The following MYO1E variants were observed in gnomAD, a reference collection of about 807,000 sequenced individuals.
The protein encoded by MYO1E is unconventional myosin-Ie.
MYO1E carries 68 observed loss-of-function variants against 151.1 expected under a neutral mutation model. The observed-to-expected ratio is 0.45, with a 90% CI of 0.37 to 0.55. The LOEUF (loss-of-function observed/expected upper bound fraction) is 0.55, where lower values mean the gene tolerates loss of function less well. Ranked by LOEUF, MYO1E falls within the 20% of genes least tolerant of loss-of-function variation. The probability of loss-of-function intolerance (pLI) is 0.00; values close to 1 mark genes in which losing one functional copy is unlikely to be tolerated. For synonymous variants in MYO1E, 601 were observed against 501.7 expected, an observed-to-expected ratio of 1.20 and a Z score of -2.64; for missense variants, 1,363 against 1,389.3, an observed-to-expected ratio of 0.98 and a Z score of 0.30.
intron 1 of MYO1E, among the ~76,000 whole-genome samples, chr15:59,368,938 T>C (rs550931722): frequency 1.8e-4 from 28 of 152,334 alleles, no homozygotes; most frequent in African/African-American, 6.7e-4. Context: ...CCACTCACAC[T>C]TGTCCCTAGA....
chr15:59,144,390 C>T (rs1332979390), intron 26 of MYO1E, among the ~76,000 whole-genome samples: 1 of 152,110 alleles, frequency 6.6e-6, no homozygotes, highest in Non-Finnish European at 1.5e-5. Context: ...TGGTGTTGAA[C>T]TCCTGACCTC....
At chr15:59,178,625 G>C in intron 18 of MYO1E, 88 bp from the exon 19 acceptor site, 1 of 1,520,550 alleles carries the variant, frequency 6.6e-7, no homozygotes, top group Non-Finnish European at 8.9e-7. Flanking sequence ...GCTCTGCTCT[G>C]AAGGTGCCCA....
At chr15:59,188,084 G>T (rs1313228306) in intron 18 of MYO1E, 34 bp downstream of exon 18, 2 of 1,490,946 alleles carry the variant, frequency 1.3e-6, no homozygotes, top group Admixed American at 1.7e-5. Flanking sequence ...CAATAAACCT[G>T]TTTTAAAAAA....
At position 59,202,424 on chromosome 15, in the gene MYO1E, A is replaced by G. The variant is rs747344111; in HGVS notation, c.1617-17T>C. On this transcript the variant is annotated splice_polypyrimidine_tract_variant and intron_variant, in intron 15 of 27. Transcript: ENST00000288235. ...ATGAAAGGCCTGGAAAAGGAGAAAG[A>G]GAATGAATTAACAATCTGTAAGTAC... The G allele has an allele frequency of 5.0e-6, 8 of 1,606,698 alleles. No homozygotes were observed. The South Asian group carries it at 6.6e-5, about 13-fold the overall frequency.
At chr15:59,283,597 C>A (rs1295115172) in intron 1 of MYO1E, among the ~76,000 whole-genome samples, 2 of 152,180 alleles carry the variant, frequency 1.3e-5, no homozygotes, top group Non-Finnish European at 2.9e-5. Flanking sequence ...GAATGAAATA[C>A]ATTATTATTA....
At chr15:59,363,774 G>C (rs1215960726) in intron 1 of MYO1E, among the ~76,000 whole-genome samples, 1 of 152,130 alleles carries the variant, frequency 6.6e-6, no homozygotes, top group Non-Finnish European at 1.5e-5. Flanking sequence ...CAGAGGCAGA[G>C]AGACTAATTC....
intron 1 of MYO1E, among the ~76,000 whole-genome samples, chr15:59,348,467 A>C (rs2080806374): frequency 6.6e-6 from 1 of 152,142 alleles, no homozygotes; most frequent in African/African-American, 2.4e-5. Context: ...TGCTTTTAGG[A>C]ACCATCCAGG....
chr15:59,192,656 G>A (rs2140328463), intron 17 of MYO1E, among the ~76,000 whole-genome samples: 1 of 152,352 alleles, frequency 6.6e-6, no homozygotes, highest in South Asian at 2.1e-4. Flanking sequence ...TCATTTAAGA[G>A]TATTTGCTGG....
intron 1 of MYO1E, among the ~76,000 whole-genome samples, chr15:59,356,925 G>A (rs1430480997): frequency 7.2e-6 from 1 of 138,906 alleles, no homozygotes; most frequent in African/African-American, 2.7e-5. Flanking sequence ...TTTTTTTTGA[G>A]ATGGAGTTTC....
At chr15:59,166,552 G>GC (rs1555408206) in intron 22 of MYO1E, among the ~76,000 whole-genome samples, 4 of 141,186 alleles carry the variant, frequency 2.8e-5, no homozygotes, top group Admixed American at 7.1e-5. Flanking sequence ...AAGGAGTTTT[G>GC]TTTTTTTTTT....
chr15:59,243,544 G>C (rs558214944), intron 4 of MYO1E, among the ~76,000 whole-genome samples: 2 of 152,260 alleles, frequency 1.3e-5, no homozygotes, highest in Non-Finnish European at 2.9e-5. Context: ...GGAGGTGAGA[G>C]AGTCTGTGTC....
intron 10 of MYO1E, among the ~76,000 whole-genome samples, chr15:59,216,025 A>G (rs28657037): frequency 0.55 from 83,149 of 151,828 alleles, 23,256 homozygotes; most frequent in Middle Eastern, 0.65. Context: ...TATCCTTTAA[A>G]TAGCCACTAA....
intron 1 of MYO1E, among the ~76,000 whole-genome samples, chr15:59,361,559 A>G (rs1280382212): frequency 6.6e-6 from 1 of 152,202 alleles, no homozygotes; most frequent in African/African-American, 2.4e-5. Flanking sequence ...TATGGGCTTC[A>G]GGGGTTTATA....
chr15:59,214,353 A>G (rs970450777), intron 11 of MYO1E, 39 bp from the exon 12 acceptor site: 10 of 1,437,556 alleles, frequency 7.0e-6, no homozygotes, highest in Non-Finnish European at 9.8e-6. Flanking sequence ...TTCTTTCACA[A>G]AATCATTTAA....
At chr15:59,137,734 T>G (rs1346013038) in intron 27 of MYO1E, among the ~76,000 whole-genome samples, 1 of 152,172 alleles carries the variant, frequency 6.6e-6, no homozygotes, top group East Asian at 1.9e-4. Flanking sequence ...GAAGTGTGGG[T>G]GGGACAGACC....
chr15:59,236,756 A>T (rs2080069327), intron 4 of MYO1E, 84 bp from the exon 5 acceptor site: 1 of 1,269,118 alleles, frequency 7.9e-7, no homozygotes, highest in Non-Finnish European at 1.1e-6. Context: ...CACAAAACAA[A>T]CAAACAAACA....
intron 1 of MYO1E, among the ~76,000 whole-genome samples, chr15:59,316,332 CCTTGG>C (rs2080588667): frequency 6.6e-6 from 1 of 152,060 alleles, no homozygotes; most frequent in African/African-American, 2.4e-5. Flanking sequence ...GCCATTTTTC[CCTTGG>C]CTTTGAAAAG....
intron 16 of MYO1E, among the ~76,000 whole-genome samples, chr15:59,199,675 T>G (rs2079788985): frequency 1.3e-5 from 2 of 152,140 alleles, no homozygotes; most frequent in African/African-American, 4.8e-5. Context: ...ATCCTACAAA[T>G]CAGTTTAAAT....
chr15:59,279,067 C>A (rs1195103992), intron 1 of MYO1E, among the ~76,000 whole-genome samples: 1 of 152,082 alleles, frequency 6.6e-6, no homozygotes, highest in Non-Finnish European at 1.5e-5. Context: ...ATATATGTGA[C>A]CATACCACAG....
Sources: allele counts gnomAD v4.1 joint callset (sites outside exome capture counted in the v4.1 genomes callset), GRCh38; gene constraint gnomAD v4.1.1; transcripts MANE v1.5; gene names NCBI Gene and HGNC (gene_info 2026-07-23, HGNC 2026-07-21).